PCDH11Y: variants seen among roughly 807,000 people sequenced by gnomAD.
PCDH11Y encodes the protein protocadherin-11 Y-linked.
For missense variants in PCDH11Y, 12 were observed against 224.8 expected, an observed-to-expected ratio of 0.05 and a Z score of 6.05; for synonymous variants, 9 against 83.6, an observed-to-expected ratio of 0.11 and a Z score of 4.87.
chrY:5,710,287 G>C, intron 4 of PCDH11Y, among the ~76,000 whole-genome samples: 1 of 31,676 alleles, frequency 3.2e-5, no homozygotes, highest in Admixed American at 2.9e-4. Context: ...CAGTGAGCAG[G>C]GTCGCCAGGG....
At chrY:5,704,318 C>A in intron 4 of PCDH11Y, among the ~76,000 whole-genome samples, 1 of 33,060 alleles carries the variant, frequency 3.0e-5, no homozygotes, top group Non-Finnish European at 7.4e-5. Flanking sequence ...CCCCCTGCCT[C>A]CAACACCGGG....
intron 2 of PCDH11Y, among the ~76,000 whole-genome samples, chrY:5,382,250 T>C (rs2124674480): frequency 3.0e-5 from 1 of 33,749 alleles, no homozygotes; most frequent in South Asian, 6.5e-4. Context: ...TATCAAATTG[T>C]TTATCTTCTA....
chrY:5,264,992 C>T, intron 2 of PCDH11Y, among the ~76,000 whole-genome samples: 1 of 29,789 alleles, frequency 3.4e-5, no homozygotes. Flanking sequence ...ATGGCTGAGC[C>T]CAGCAAGACT....
intron 4 of PCDH11Y, among the ~76,000 whole-genome samples, chrY:5,678,541 TA>T (rs2053555501): frequency 3.0e-5 from 1 of 33,321 alleles, no homozygotes; most frequent in Admixed American, 2.8e-4. Flanking sequence ...AAAAAGCCTT[TA>T]AAAAAATACA....
At chrY:5,632,276 T>C (rs2053513063) in intron 4 of PCDH11Y, among the ~76,000 whole-genome samples, 8 of 32,160 alleles carry the variant, frequency 2.5e-4, no homozygotes, top group African/African-American at 8.5e-4. Context: ...AGTTATAAAA[T>C]ACACAAATAG....
chrY:5,206,028 A>G (rs2052932039), intron 2 of PCDH11Y, among the ~76,000 whole-genome samples: 1 of 32,573 alleles, frequency 3.1e-5, no homozygotes, highest in Non-Finnish European at 7.5e-5. Context: ...AAATGTGGCT[A>G]CCTGATAAGT....
chrY:5,509,131 T>G, intron 3 of PCDH11Y, among the ~76,000 whole-genome samples: 1 of 32,345 alleles, frequency 3.1e-5, no homozygotes, highest in Non-Finnish European at 7.6e-5. Context: ...AGCAGCTACT[T>G]TTGAAATTTA....
chrY:5,274,978 A>T, intron 2 of PCDH11Y, among the ~76,000 whole-genome samples: 1 of 34,060 alleles, frequency 2.9e-5, no homozygotes, highest in Non-Finnish European at 7.3e-5. Flanking sequence ...AATTTACTGG[A>T]AGCATGTTTT....
chrY:5,272,925 C>T (rs2124659768), intron 2 of PCDH11Y, among the ~76,000 whole-genome samples: 6 of 32,018 alleles, frequency 1.9e-4, no homozygotes, highest in South Asian at 1.4e-3. Context: ...AACTTTGAGA[C>T]GAAAGAACTT....
At chrY:5,015,358 A>G in intron 1 of PCDH11Y, among the ~76,000 whole-genome samples, 1 of 32,854 alleles carries the variant, frequency 3.0e-5, no homozygotes, top group Admixed American at 2.8e-4. Flanking sequence ...GCTTTTCACC[A>G]TTGCCATGTA....
At chrY:5,311,500 TAC>T (rs2053100613) in intron 2 of PCDH11Y, among the ~76,000 whole-genome samples, 1 of 22,640 alleles carries the variant, frequency 4.4e-5, no homozygotes, top group Non-Finnish European at 9.6e-5. Context: ...TATATATATA[TAC>T]ACACACACAC....
chrY:5,621,456 A>G (rs2053500038), intron 4 of PCDH11Y, among the ~76,000 whole-genome samples: 1 of 32,810 alleles, frequency 3.0e-5, no homozygotes, highest in African/African-American at 1.2e-4. Context: ...ATATTGTAAA[A>G]ATGGCCATAC....
intron 2 of PCDH11Y, among the ~76,000 whole-genome samples, chrY:5,261,263 C>T (rs1602895307): frequency 3.0e-5 from 1 of 33,171 alleles, no homozygotes; most frequent in East Asian, 8.1e-4. Flanking sequence ...AAAAGATACC[C>T]GAAAATGTGG....
At chrY:5,131,396 T>TTGTAAAAA (rs2052833891) in intron 2 of PCDH11Y, among the ~76,000 whole-genome samples, 1 of 32,246 alleles carries the variant, frequency 3.1e-5, no homozygotes, top group Non-Finnish European at 7.6e-5. Context: ...TGCATGTACT[T>TTGTAAAAA]TGTAAAAATA....
intron 2 of PCDH11Y, among the ~76,000 whole-genome samples, chrY:5,446,527 G>A (rs2053287817): frequency 3.0e-4 from 10 of 33,355 alleles, no homozygotes. Flanking sequence ...GTATATAGGT[G>A]TGTGTGTGTG....
intron 2 of PCDH11Y, among the ~76,000 whole-genome samples, chrY:5,300,226 T>C: frequency 3.0e-5 from 1 of 33,576 alleles, no homozygotes; most frequent in Non-Finnish European, 7.4e-5. Context: ...TTCAAGGGTA[T>C]TTTAGTTTTC....
chrY:5,623,455 T>G, intron 4 of PCDH11Y, among the ~76,000 whole-genome samples: 1 of 30,890 alleles, frequency 3.2e-5, no homozygotes, highest in Non-Finnish European at 7.8e-5. Context: ...CTCTCCTCCC[T>G]TAAGTAGGTC....
chrY:5,713,349 G>T (rs2053587724), intron 4 of PCDH11Y, among the ~76,000 whole-genome samples: 1 of 32,344 alleles, frequency 3.1e-5, no homozygotes, highest in Non-Finnish European at 7.6e-5. Flanking sequence ...GCCCTTTTTT[G>T]ATCTAATCAG....
At chrY:5,466,359 G>A in intron 2 of PCDH11Y, among the ~76,000 whole-genome samples, 7 of 32,242 alleles carry the variant, frequency 2.2e-4, no homozygotes, top group African/African-American at 8.4e-4. Context: ...TCGTTTGATT[G>A]ATGAGAAAAC....
Sources: gnomAD v4.1 joint callset for allele counts (sites outside exome capture counted in the v4.1 genomes callset) on GRCh38, gnomAD v4.1.1 for gene constraint, MANE v1.5 for transcripts, NCBI Gene and HGNC (gene_info 2026-07-23, HGNC 2026-07-21) for gene names.